ASMTL: variants seen among roughly 807,000 people sequenced by gnomAD.
ASMTL encodes the protein acetylserotonin O-methyltransferase like.
ASMTL carries 57 observed loss-of-function variants against 60.3 expected under a neutral mutation model. That is an observed-to-expected ratio of 0.95 (90% CI 0.76 to 1.18). ASMTL has a LOEUF of 1.18. Among genes scored for constraint, ASMTL ranks in the 50% most tolerant of loss-of-function variants. ASMTL has a pLI of 0.00. For missense variants in ASMTL, 981 were observed against 852.6 expected, an observed-to-expected ratio of 1.15 and a Z score of -1.88; for synonymous variants, 419 against 373.0, an observed-to-expected ratio of 1.12 and a Z score of -1.42.
At chrX:1,437,378 A>G (rs2090994523) in intron 3 of ASMTL, among the ~76,000 whole-genome samples, 1 of 149,148 alleles carries the variant, frequency 6.7e-6, no homozygotes, top group Non-Finnish European at 1.5e-5. Context: ...AACAGCAGAC[A>G]TTGATTCTTC....
intron 1 of ASMTL, among the ~76,000 whole-genome samples, chrX:1,444,960 C>G (rs1194091342): frequency 6.6e-6 from 1 of 152,168 alleles, no homozygotes. Flanking sequence ...CTAACCCTTG[C>G]TTCGTCTTCC....
chrX:1,439,406 C>T (rs1435997681), intron 2 of ASMTL, among the ~76,000 whole-genome samples: 1 of 152,196 alleles, frequency 6.6e-6, no homozygotes, highest in African/African-American at 2.4e-5. Context: ...GAGCATCTCA[C>T]GGGCACTACG....
intron 2 of ASMTL, among the ~76,000 whole-genome samples, chrX:1,440,870 T>C (rs1376228117): frequency 4.6e-5 from 7 of 152,208 alleles, no homozygotes; most frequent in African/African-American, 1.7e-4. Context: ...TATTACATAG[T>C]ATCACACAGT....
chrX:1,453,312 C>T (rs2091442421), upstream of ASMTL, among the ~76,000 whole-genome samples: 1 of 151,926 alleles, frequency 6.6e-6, no homozygotes, highest in South Asian at 2.1e-4. Context: ...CCATTGAGCT[C>T]CCCGTGAGGC....
chrX:1,418,187 C>G, intron 10 of ASMTL, 71 bp from the exon 11 acceptor site: 2 of 1,497,146 alleles, frequency 1.3e-6, no homozygotes, highest in Non-Finnish European at 1.8e-6. Context: ...CAAAGCTCAA[C>G]TGGGGCAGAA....
At chrX:1,412,962 G>C in intron 11 of ASMTL, 108 bp from the exon 12 acceptor site, 1 of 1,272,164 alleles carries the variant, frequency 7.9e-7, no homozygotes, top group African/African-American at 1.5e-5. Context: ...ACAGAGAAGA[G>C]AGGGGTGTGG....
At chrX:1,404,709 G>T (rs1308888039) in intron 12 of ASMTL, among the ~76,000 whole-genome samples, 6 of 150,900 alleles carry the variant, frequency 4.0e-5, no homozygotes, top group African/African-American at 9.8e-5. Flanking sequence ...TGGATGGACA[G>T]ATGGATGCAT....
chrX:1,436,632 G>A (rs1309656846), intron 3 of ASMTL, among the ~76,000 whole-genome samples: 25 of 151,452 alleles, frequency 1.7e-4, no homozygotes, highest in Non-Finnish European at 8.9e-5. Context: ...GATGACAGGG[G>A]TGAGCCACCG....
At position 1,442,302 on chromosome X, in the gene ASMTL, C is replaced by T. The variant is rs748868059; in HGVS notation, c.109G>A (p.Val37Met). 1 of 1,613,820 alleles carries T rather than the reference C, an allele frequency of 6.2e-7. No individual in the cohort carries two copies. Among genetic ancestry groups the T allele is most frequent in the Non-Finnish European group, 8.5e-7 (1 of 1,179,842 alleles). The change falls in exon 2 of 13, where the codon GTG becomes ATG. Residue 37 changes from valine (V) to methionine (M), a missense_variant. Transcript: ENST00000381317. The part of the protein sequence containing the change: ...ILSNAGLRFE[V>M]VPSKFKEKLD... Reference sequence around the variant, plus strand: ...TTCTCTTTAAACTTGGAGGGGACCACCTCAAACCTGAGACCCTGCAACAGT... The same window carrying T: ...TTCTCTTTAAACTTGGAGGGGACCATCTCAAACCTGAGACCCTGCAACAGT...
chrX:1,435,115 A>G, intron 4 of ASMTL, 32 bp from the exon 5 acceptor site: 3 of 1,611,948 alleles, frequency 1.9e-6, no homozygotes, highest in Non-Finnish European at 2.5e-6. Context: ...CCACGTGACC[A>G]TGCTGTGACC....
intron 1 of ASMTL, among the ~76,000 whole-genome samples, chrX:1,445,438 A>C (rs1427239047): frequency 7.9e-5 from 12 of 152,138 alleles, no homozygotes; most frequent in African/African-American, 2.9e-4. Context: ...TTTTTATTGC[A>C]ATAGTCTGGC....
chrX:1,423,751 TC>T (rs2090537288), intron 8 of ASMTL, among the ~76,000 whole-genome samples: 4 of 18,710 alleles, frequency 2.1e-4, no homozygotes, highest in East Asian at 6.0e-3. Context: ...TATCCATCCA[TC>T]CTCCCATCCA....
chrX:1,405,059 GATGA>G (rs1256717221), intron 12 of ASMTL, among the ~76,000 whole-genome samples: 6 of 151,912 alleles, frequency 3.9e-5, no homozygotes, highest in Non-Finnish European at 8.8e-5. Flanking sequence ...TACGTAGATA[GATGA>G]ATGGATGGAT....
intron 3 of ASMTL, among the ~76,000 whole-genome samples, chrX:1,436,047 T>G (rs1438204062): frequency 8.5e-5 from 13 of 152,166 alleles, no homozygotes; most frequent in African/African-American, 3.1e-4. Flanking sequence ...TCTTTCACCG[T>G]GCGTTTGCCT....
At position 1,417,407 on chromosome X, in the gene ASMTL, T is replaced by C. The variant is rs1306750934; in HGVS notation, c.1522+566A>G. Among the ~76,000 whole-genome samples, 6 of 18,426 alleles carry C rather than the reference T, an allele frequency of 3.3e-4. No individual in the cohort carries two copies. In the South Asian group the frequency reaches 0.012, roughly 36 times the overall value. 12.1% of individuals were successfully genotyped at this position (18,426 alleles called of 152,430 possible). A position where few individuals can be genotyped will look rare whatever the true frequency, so the allele number is the denominator to read the frequency against. ...CACACCACAGAGACTTGCAGACACG[T>C]GGACACACAGTCTCATGCACAGACA... On this transcript the variant is annotated intron_variant, in intron 11 of 12. Transcript: ENST00000381317.
chrX:1,413,003 C>T (rs1254810097), intron 11 of ASMTL, 149 bp from the exon 12 acceptor site: 36 of 836,704 alleles, frequency 4.3e-5, no homozygotes, highest in Non-Finnish European at 5.9e-5. Context: ...AGTACATCCC[C>T]GTGGGGACTT....
intron 1 of ASMTL, among the ~76,000 whole-genome samples, chrX:1,451,432 T>C (rs190972433): frequency 7.6e-6 from 1 of 131,426 alleles, no homozygotes; most frequent in Non-Finnish European, 1.6e-5. Context: ...TGCCTAGGGG[T>C]TCCAGGTCAC....
At chrX:1,415,792 G>A (rs1331903386) in intron 11 of ASMTL, among the ~76,000 whole-genome samples, 4 of 152,158 alleles carry the variant, frequency 2.6e-5, no homozygotes, top group East Asian at 3.8e-4. Flanking sequence ...AGATGCCCTC[G>A]TGTCTGTGTG....
Position 1,432,507 on chromosome X carries a change from G to T in ASMTL, c.401-130C>A. On this transcript the variant is annotated intron_variant, in intron 5 of 12. Transcript: ENST00000381317. ...CACAGTTCAGATATGGATGCTTCATGGGAGAATAAGGTTCATTTCGGACAA... is the reference window on the plus strand; with the variant it reads ...CACAGTTCAGATATGGATGCTTCATTGGAGAATAAGGTTCATTTCGGACAA... The T allele has an allele frequency of 4.2e-6, 3 of 705,958 alleles. No individual in the cohort carries two copies. The South Asian group carries it at 4.9e-5, about 11-fold the overall frequency. The allele number at this position is 705,958 out of a possible 1,614,324, so 43.7% of individuals were successfully genotyped here. A position where few individuals can be genotyped will look rare whatever the true frequency, so the allele number is the denominator to read the frequency against.
Sources: gnomAD v4.1 joint callset for allele counts (sites outside exome capture counted in the v4.1 genomes callset) on GRCh38, gnomAD v4.1.1 for gene constraint, MANE v1.5 for transcripts, NCBI Gene and HGNC (gene_info 2026-07-23, HGNC 2026-07-21) for gene names.